Variants in CRKL observed in about 807,000 individuals in gnomAD.
CRKL encodes the protein CRK like proto-oncogene, adaptor protein, also known as crk-like protein.
A neutral mutation model predicts 23.0 loss-of-function variants in CRKL; 3 were observed. The ratio of observed to expected loss-of-function variants is 0.13; its 90% CI spans 0.06 to 0.34. The LOEUF (loss-of-function observed/expected upper bound fraction) is 0.34. Ranked by LOEUF, CRKL falls within the 10% of genes least tolerant of loss-of-function variation. CRKL has a pLI of 1.00. For missense variants in CRKL, 256 were observed against 394.5 expected, an observed-to-expected ratio of 0.65 and a Z score of 2.97; for synonymous variants, 188 against 160.7, an observed-to-expected ratio of 1.17 and a Z score of -1.28.
Position 20,941,536 on chromosome 22 carries a change from T to TTGTG in CRKL, c.777+7293_777+7294insGTGT, listed in dbSNP as rs1246252249. The stretch of plus-strand genomic sequence containing the variant: ...GTGTATGTGTATATATATATATATT[T>TTGTG]TATGTGTGTGTGTGTGTGTGTGTGT... On this transcript the variant is annotated intron_variant, in intron 2 of 2. Transcript: ENST00000354336. Among the ~76,000 whole-genome samples the TTGTG allele has an allele frequency of 6.7e-4, 54 of 80,710 alleles. 5 individuals are homozygous for TTGTG. Among genetic ancestry groups the TTGTG allele is most frequent in the African/African-American group, 1.8e-3 (43 of 24,132 alleles). The allele number at this position is 80,710 out of a possible 152,430, so 52.9% of individuals were successfully genotyped here. A position where few individuals can be genotyped will look rare whatever the true frequency, so the allele number is the denominator to read the frequency against.
chr22:20,937,913 A>G (rs1008321144), intron 2 of CRKL, among the ~76,000 whole-genome samples: 1 of 152,036 alleles, frequency 6.6e-6, no homozygotes, highest in African/African-American at 2.4e-5. Context: ...TCTGTCACTC[A>G]GGCTGGAGTG....
intron 1 of CRKL, among the ~76,000 whole-genome samples, chr22:20,918,480 C>G (rs1201207913): frequency 6.6e-6 from 1 of 151,258 alleles, no homozygotes; most frequent in Non-Finnish European, 1.5e-5. Context: ...GAAGAGGATG[C>G]GTTTTGAATG....
chr22:20,951,656 C>G lies in CRKL; in HGVS notation c.*1811C>G, dbSNP rs1922283232. 4.4e-6 allele frequency: 1 copy of G among 225,358 alleles called. No homozygotes were observed. The highest frequency in any genetic ancestry group is 8.8e-6 in the Non-Finnish European group (1 of 113,166). 14.0% of individuals were successfully genotyped at this position (225,358 alleles called of 1,614,324 possible). ...TCATCTGCTGTGACTGTGGCCCTGT[C>G]TGGAGGTTCCTAGGTTTTGAGATTT... On this transcript the variant is annotated 3_prime_UTR_variant, in exon 3 of 3. Transcript: ENST00000354336.
chr22:20,918,116 A>G lies in CRKL; in HGVS notation c.182A>G (p.Tyr61Cys), dbSNP rs1278191120. 6.2e-7 allele frequency: 1 copy of G among 1,614,074 alleles called. No individual in the cohort carries two copies. The highest frequency in any genetic ancestry group is 8.5e-7 in the Non-Finnish European group (1 of 1,180,012). The change falls in exon 1 of 3, where the codon TAC becomes TGC. Residue 61 changes from tyrosine (Y) to cysteine (C), a missense_variant. Coordinates refer to ENST00000354336, the MANE Select transcript of CRKL (RefSeq NM_005207.4). ...TCCGAGAACTCGCGGGTCTCCCACTACATCATCAACTCGCTGCCCAACCGC... is the reference window on the plus strand; with the variant it reads ...TCCGAGAACTCGCGGGTCTCCCACTGCATCATCAACTCGCTGCCCAACCGC... ...SVSENSRVSH[Y>C]IINSLPNRRF...
chr22:20,928,674 G>A (rs1157981259), intron 1 of CRKL, among the ~76,000 whole-genome samples: 1 of 150,874 alleles, frequency 6.6e-6, no homozygotes, highest in African/African-American at 2.4e-5. Flanking sequence ...TTAATCGGAT[G>A]TGGTGGCATG....
chr22:20,927,192 A>ATTTTTTTTTTTTTTTTTTT lies in CRKL; in HGVS notation c.312-6569_312-6568insTTTTTTTTTTTTTTTTTTT, dbSNP rs532930393. Among the ~76,000 whole-genome samples the ATTTTTTTTTTTTTTTTTTT allele has an allele frequency of 6.4e-3, 527 of 81,946 alleles. 90 individuals carry two copies. Among genetic ancestry groups the ATTTTTTTTTTTTTTTTTTT allele is most frequent in the African/African-American group, 0.027 (453 of 16,956 alleles). The allele number at this position is 81,946 out of a possible 152,430, so 53.8% of individuals were successfully genotyped here. ...AGTACTTAGCTCATCTTGGAATTGA[A>ATTTTTTTTTTTTTTTTTTT]TTTTTTTTTTTTTTTTTTGAGACAG... is the stretch of plus-strand genomic sequence containing the variant. On this transcript the variant is annotated intron_variant, in intron 1 of 2. Transcript: ENST00000354336.
intron 2 of CRKL, among the ~76,000 whole-genome samples, chr22:20,938,042 T>C (rs1282457167): frequency 6.6e-6 from 1 of 152,166 alleles, no homozygotes; most frequent in African/African-American, 2.4e-5. Flanking sequence ...CTAAAACTAT[T>C]ATTAGGATAG....
At chr22:20,946,786 A>G (rs1922074421) in intron 2 of CRKL, among the ~76,000 whole-genome samples, 1 of 151,926 alleles carries the variant, frequency 6.6e-6, no homozygotes, top group Non-Finnish European at 1.5e-5. Context: ...GGATCCGTGT[A>G]CCATGAACCC....
At chr22:20,920,588 C>T (rs1920981505) in intron 1 of CRKL, among the ~76,000 whole-genome samples, 1 of 152,092 alleles carries the variant, frequency 6.6e-6, no homozygotes, top group Non-Finnish European at 1.5e-5. Context: ...ACAGAATCGC[C>T]TCCAGATTTT....
At chr22:20,944,393 T>TCAACA (rs2147914041) in intron 2 of CRKL, among the ~76,000 whole-genome samples, 1 of 151,542 alleles carries the variant, frequency 6.6e-6, no homozygotes, top group Non-Finnish European at 1.5e-5. Flanking sequence ...TCACCATGGT[T>TCAACA]AAATTATTCT....
intron 1 of CRKL, among the ~76,000 whole-genome samples, chr22:20,927,877 T>C (rs1036324060): frequency 4.9e-4 from 58 of 118,068 alleles, no homozygotes; most frequent in African/African-American, 1.8e-3. Context: ...GGAAAAAGAG[T>C]AAGCCTGGGC....
Position 20,934,123 on chromosome 22 carries a change from T to C in CRKL, c.656T>C (p.Val219Ala), listed in dbSNP as rs1385927465. 1 of 1,614,046 alleles carries C rather than the reference T, an allele frequency of 6.2e-7. No homozygotes were observed. Among genetic ancestry groups the C allele is most frequent in the Non-Finnish European group, 8.5e-7 (1 of 1,180,032 alleles). The change falls in exon 2 of 3, where the codon GTT becomes GCT. Residue 219 changes from valine (V) to alanine (A), a missense_variant. Around this residue, in one of 3 missense-constraint regions of CRKL, gnomAD observed 129 missense variants for 222.1 expected, o/e 0.58. Transcript: ENST00000354336. ...QPQTTTPLPA[V>A]SGSPGAAITP... is the part of the protein sequence containing the mutation. ...CAGACCACAACTCCTCTACCTGCAGTTTCCGGTTCTCCTGGGGCAGCAATC... is the reference window on the plus strand; with the variant it reads ...CAGACCACAACTCCTCTACCTGCAGCTTCCGGTTCTCCTGGGGCAGCAATC...
chr22:20,927,863 AAAAG>A (rs1412290730), intron 1 of CRKL, among the ~76,000 whole-genome samples: 2 of 150,108 alleles, frequency 1.3e-5, no homozygotes, highest in Non-Finnish European at 3.0e-5. Context: ...AAAAAAAAAA[AAAAG>A]GAAAAAGAGT....
intron 2 of CRKL, among the ~76,000 whole-genome samples, chr22:20,947,301 A>C (rs1922100826): frequency 6.6e-6 from 1 of 150,402 alleles, no homozygotes; most frequent in African/African-American, 2.5e-5. Context: ...GGTCTTGAAC[A>C]TGTGGCCTCA....
At chr22:20,922,240 C>T (rs1469189153) in intron 1 of CRKL, among the ~76,000 whole-genome samples, 1 of 151,828 alleles carries the variant, frequency 6.6e-6, no homozygotes, top group Non-Finnish European at 1.5e-5. Flanking sequence ...CCAGGATGGT[C>T]CCTATATCTT....
rs1025077012 is a variant in CRKL at position 20,952,661 on chromosome 22, C to A, written c.*2816C>A. 4.7e-5 allele frequency: 11 copies of A among 232,366 alleles called. No individual in the cohort carries two copies. Among genetic ancestry groups the A allele is most frequent in the Non-Finnish European group, 8.5e-5 (10 of 117,546 alleles). 14.4% of individuals were successfully genotyped at this position (232,366 alleles called of 1,614,324 possible). A position where few individuals can be genotyped will look rare whatever the true frequency, so the allele number is the denominator to read the frequency against. The stretch of plus-strand genomic sequence containing the variant: ...TGACCCAGAGGGTGGGTGTTCATAA[C>A]TGCTACTTGCTCTGCTCTACCATGT... On this transcript the variant is annotated 3_prime_UTR_variant, in exon 3 of 3. Transcript: ENST00000354336.
At chr22:20,929,001 A>G (rs1015287505) in intron 1 of CRKL, among the ~76,000 whole-genome samples, 1 of 152,120 alleles carries the variant, frequency 6.6e-6, no homozygotes, top group Non-Finnish European at 1.5e-5. Flanking sequence ...TTTAACCAAA[A>G]GAGCTGAGAG....
intron 1 of CRKL, among the ~76,000 whole-genome samples, chr22:20,924,767 G>T (rs572459204): frequency 6.6e-6 from 1 of 152,148 alleles, no homozygotes; most frequent in African/African-American, 2.4e-5. Flanking sequence ...TTGAACCTGG[G>T]GGGTGGAAGT....
chr22:20,921,340 A>G (rs930645966), intron 1 of CRKL, among the ~76,000 whole-genome samples: 1 of 152,154 alleles, frequency 6.6e-6, no homozygotes, highest in African/African-American at 2.4e-5. Flanking sequence ...AATGCTTCAT[A>G]ATTTTTAATT....
Sources: allele counts gnomAD v4.1 joint callset (sites outside exome capture counted in the v4.1 genomes callset), GRCh38; gene constraint gnomAD v4.1.1; regional missense constraint gnomAD v4.1.1; transcripts MANE v1.5; gene names NCBI Gene and HGNC (gene_info 2026-07-23, HGNC 2026-07-21).